The following CDK5RAP2 variants were observed in gnomAD, a reference collection of about 807,000 sequenced individuals.
The protein encoded by CDK5RAP2 is CDK5 regulatory subunit associated protein 2.
CDK5RAP2 carries 147 observed loss-of-function variants against 232.9 expected under a neutral mutation model. That is an observed-to-expected ratio of 0.63 (90% CI 0.55 to 0.72). The LOEUF (loss-of-function observed/expected upper bound fraction) is 0.72, where lower values mean the gene tolerates loss of function less well. Among genes scored for constraint, CDK5RAP2 ranks in the 30% least tolerant of loss-of-function variants. The probability of loss-of-function intolerance (pLI) is 0.00; values close to 1 mark genes in which losing one functional copy is unlikely to be tolerated. For synonymous variants in CDK5RAP2, 833 were observed against 833.7 expected, an observed-to-expected ratio of 1.00 and a Z score of 0.01; for missense variants, 2,195 against 2,231.5, an observed-to-expected ratio of 0.98 and a Z score of 0.33.
At chr9:120,487,473 T>A in intron 13 of CDK5RAP2, 36 bp from the exon 14 acceptor site, 4 of 1,511,784 alleles carry the variant, frequency 2.6e-6, no homozygotes, top group Admixed American at 4.2e-5. Flanking sequence ...GAAATTGTCA[T>A]CAAGAAAAAA....
intron 14 of CDK5RAP2, among the ~76,000 whole-genome samples, chr9:120,486,750 G>A (rs896366761): frequency 3.9e-5 from 6 of 152,174 alleles, no homozygotes; most frequent in Non-Finnish European, 5.9e-5. Flanking sequence ...CAGAGAGAAG[G>A]TGACACTAAG....
chr9:120,513,353 C>A (rs553284291), intron 12 of CDK5RAP2, among the ~76,000 whole-genome samples: 3 of 152,306 alleles, frequency 2.0e-5, no homozygotes, highest in East Asian at 3.9e-4. Context: ...ATAGCCAACC[C>A]TACCCCACCA....
chr9:120,389,083 G>T lies in CDK5RAP2; in HGVS notation c.*153C>A. 1 of 729,888 alleles carries T rather than the reference G, an allele frequency of 1.4e-6. No individual in the cohort carries two copies. Among genetic ancestry groups the T allele is most frequent in the Non-Finnish European group, 2.3e-6 (1 of 431,514 alleles). The allele number at this position is 729,888 out of a possible 1,614,324, so 45.2% of individuals were successfully genotyped here. On this transcript the variant is annotated 3_prime_UTR_variant, in exon 38 of 38. Coordinates refer to ENST00000349780, the MANE Select transcript of CDK5RAP2 (RefSeq NM_018249.6). The stretch of plus-strand genomic sequence containing the variant: ...GCACCTTTCTGACAACAACTCTCAA[G>T]CCAACTTTCAGAGAGAAAACATGAA...
In CDK5RAP2 at chr9:120,435,606, C is replaced by G. The variant is rs143324422; in HGVS notation, c.3955+1689G>C. On this transcript the variant is annotated intron_variant, in intron 25 of 37. Coordinates refer to ENST00000349780, the MANE Select transcript of CDK5RAP2 (RefSeq NM_018249.6). ...CATTCCTCACTAAAAGGAATCAAGG[C>G]TCTTGGAGAAATGGCTCATTCAGGG... Among the ~76,000 whole-genome samples, 1,030 of 152,136 alleles carry G rather than the reference C, an allele frequency of 6.8e-3. 10 individuals carry two copies. Among genetic ancestry groups the G allele is most frequent in the African/African-American group, 0.023 (948 of 41,496 alleles).
intron 3 of CDK5RAP2, among the ~76,000 whole-genome samples, chr9:120,558,303 G>A (rs1388602014): frequency 2.9e-5 from 4 of 137,772 alleles, no homozygotes; most frequent in African/African-American, 1.1e-4. Context: ...AACCCAGGAG[G>A]CGGAGCTTGC....
rs1308325335 is a variant in CDK5RAP2 at position 120,446,362 on chromosome 9, G to A, written c.3025+1533C>T. Among the ~76,000 whole-genome samples, 11 of 152,126 alleles carry A rather than the reference G, an allele frequency of 7.2e-5. No homozygotes were observed. In the East Asian group the frequency reaches 2.1e-3, roughly 29 times the overall value. ...CTGCTTCAGCCTACTGAGGAGCTGGGATTACAGGCACGCGCCACCATGCCT... is the reference window on the plus strand; with the variant it reads ...CTGCTTCAGCCTACTGAGGAGCTGGAATTACAGGCACGCGCCACCATGCCT... On this transcript the variant is annotated intron_variant, in intron 22 of 37. Coordinates refer to ENST00000349780, the MANE Select transcript of CDK5RAP2 (RefSeq NM_018249.6).
chr9:120,407,895 A>C, intron 31 of CDK5RAP2: 1 of 257,638 alleles, frequency 3.9e-6, no homozygotes, highest in Non-Finnish European at 7.7e-6. Context: ...ATGAGTGGGC[A>C]AAAAGTAACA....
chr9:120,397,217 G>A (rs62580498), intron 35 of CDK5RAP2, among the ~76,000 whole-genome samples: 22,895 of 151,970 alleles, frequency 0.15, 1,926 homozygotes, highest in African/African-American at 0.21. Flanking sequence ...AAACATTTAC[G>A]AAAGCAGAAA....
intron 17 of CDK5RAP2, among the ~76,000 whole-genome samples, chr9:120,469,732 T>A (rs2037583451): frequency 6.6e-6 from 1 of 152,222 alleles, no homozygotes; most frequent in Non-Finnish European, 1.5e-5. Flanking sequence ...AAGTTTAAGA[T>A]GTTCACAGCC....
chr9:120,482,615 A>G (rs1159721048), intron 14 of CDK5RAP2, among the ~76,000 whole-genome samples: 1 of 152,246 alleles, frequency 6.6e-6, no homozygotes, highest in South Asian at 2.1e-4. Flanking sequence ...CAGCCCCCAG[A>G]GCTGGCGTGT....
chr9:120,403,142 G>T lies in CDK5RAP2; in HGVS notation c.5042-71C>A. Reference sequence around the variant, plus strand: ...CTGCGTTCAAGACGCTTATGATGTTGAAGCTAGCTAGGAGGGCTAGAAGAG... The same window carrying T: ...CTGCGTTCAAGACGCTTATGATGTTTAAGCTAGCTAGGAGGGCTAGAAGAG... On this transcript the variant is annotated intron_variant, in intron 33 of 37. Transcript: ENST00000349780. The surrounding 1 kb of genome is among the most constrained non-coding windows in gnomAD (Gnocchi z 4.2). The T allele has an allele frequency of 6.5e-7, 1 of 1,540,652 alleles. No individual in the cohort carries two copies.
chr9:120,550,612 T>G (rs952392720), intron 4 of CDK5RAP2, among the ~76,000 whole-genome samples, 180 bp downstream of exon 4: 20 of 152,256 alleles, frequency 1.3e-4, no homozygotes, highest in Admixed American at 1.1e-3. Flanking sequence ...AAATTAATCA[T>G]GTACCCCTTT....
chr9:120,486,825 G>A (rs1326407133), intron 14 of CDK5RAP2, among the ~76,000 whole-genome samples: 1 of 152,180 alleles, frequency 6.6e-6, no homozygotes, highest in Non-Finnish European at 1.5e-5. Flanking sequence ...AGTCCAGGCA[G>A]ATGGAACTAC....
chr9:120,456,457 G>C (rs1309614880), intron 20 of CDK5RAP2, among the ~76,000 whole-genome samples: 1 of 152,172 alleles, frequency 6.6e-6, no homozygotes, highest in Non-Finnish European at 1.5e-5. Flanking sequence ...AGGGGAGAGA[G>C]AAGGCCCTCT....
At chr9:120,394,228 A>C in intron 36 of CDK5RAP2, among the ~76,000 whole-genome samples, 1 of 151,382 alleles carries the variant, frequency 6.6e-6, no homozygotes, top group South Asian at 2.1e-4. Flanking sequence ...CGGCCACCCA[A>C]CTCCCACCCC....
At chr9:120,528,830 G>A (rs754581045) in intron 8 of CDK5RAP2, 33 bp from the exon 9 acceptor site, 2 of 1,510,532 alleles carry the variant, frequency 1.3e-6, no homozygotes, top group Non-Finnish European at 1.8e-6. Flanking sequence ...GTGAAGAAGG[G>A]ACGTGCAATC....
intron 35 of CDK5RAP2, among the ~76,000 whole-genome samples, chr9:120,397,559 A>G (rs1387178780): frequency 2.9e-4 from 39 of 133,168 alleles, no homozygotes; most frequent in African/African-American, 7.5e-4. Flanking sequence ...AAAAAAAAAA[A>G]AAAAAAGAAA....
At chr9:120,487,469 G>A (rs766819978) in intron 13 of CDK5RAP2, 32 bp from the exon 14 acceptor site, 4 of 1,523,916 alleles carry the variant, frequency 2.6e-6, no homozygotes, top group Non-Finnish European at 3.6e-6. Context: ...TAAGGAAATT[G>A]TCATCAAGAA....
In CDK5RAP2 at chr9:120,394,544, C is replaced by G; in HGVS notation, c.5546G>C (p.Ser1849Thr). ...AAAGATGACTTTTTCCTGGCGCTTG[C>G]TCAGCTGCAAAAGCTTCATGGTGTT... ...LQNTMKLLQL[S>T]KRQEKVIFDQ... The change falls in exon 36 of 38, where the codon AGC (serine) becomes ACC (threonine). Residue 1849 changes from serine (S) to threonine (T), a missense_variant. Transcript: ENST00000349780. 6.2e-7 allele frequency: 1 copy of G among 1,614,222 alleles called. No homozygotes were observed. The highest frequency in any genetic ancestry group is 8.5e-7 in the Non-Finnish European group (1 of 1,180,046).
Sources: allele counts gnomAD v4.1 joint callset (sites outside exome capture counted in the v4.1 genomes callset), GRCh38; gene constraint gnomAD v4.1.1; non-coding constraint Gnocchi (gnomAD v3.1); transcripts MANE v1.5; gene names NCBI Gene and HGNC (gene_info 2026-07-23, HGNC 2026-07-21).